Variants in PIR observed in about 807,000 individuals in gnomAD.
PIR encodes the protein pirin (iron-binding nuclear protein).
A neutral mutation model predicts 24.2 loss-of-function variants in PIR; 22 were observed. The ratio of observed to expected loss-of-function variants is 0.91; its 90% confidence interval spans 0.65 to 1.30. The LOEUF is 1.30. PIR is among the 50% of genes most tolerant of loss of function. PIR has a pLI of 0.00. For missense variants in PIR, 220 were observed against 220.3 expected, an observed-to-expected ratio of 1.00 and a Z score of 0.01; for synonymous variants, 80 against 79.6, an observed-to-expected ratio of 1.00 and a Z score of -0.03.
At chrX:15,390,456 T>A (rs1213521384) in intron 8 of PIR, among the ~76,000 whole-genome samples, 1 of 111,244 alleles carries the variant, frequency 9.0e-6, no homozygotes, top group African/African-American at 3.3e-5. Flanking sequence ...CAAGAATAAG[T>A]CCAAGCCACC....
At chrX:15,454,909 T>G (rs1921024218) in intron 5 of PIR, among the ~76,000 whole-genome samples, 1 of 112,274 alleles carries the variant, frequency 8.9e-6, no homozygotes, top group South Asian at 3.7e-4. Flanking sequence ...TTGCCAGGGA[T>G]GGGCTCGGAC....
chrX:15,445,584 G>A (rs1926062499), intron 5 of PIR, among the ~76,000 whole-genome samples: 1 of 111,459 alleles, frequency 9.0e-6, no homozygotes, highest in Admixed American at 9.5e-5. Flanking sequence ...AAGGTTTTAC[G>A]AAAAAGAGGT....
chrX:15,440,928 T>C (rs1428660470), intron 5 of PIR, among the ~76,000 whole-genome samples: 1 of 111,983 alleles, frequency 8.9e-6, no homozygotes, highest in Non-Finnish European at 1.9e-5. Flanking sequence ...ATCAATTTTC[T>C]ACAGATATGA....
Position 15,407,541 on chromosome X carries a change from C to T in PIR, c.575G>A (p.Ser192Asn). ...ATCTCCAGATATCGTGTAAATGAAG[C>T]TTGTCCACCCTGGAAAGGACCAGCA... ...HSQPIPKGWTSFIYTISGDVY... is the reference protein window; with the variant it reads ...HSQPIPKGWTNFIYTISGDVY... The change falls in exon 7 of 10, where the codon AGC becomes AAC. Residue 192 changes from serine to asparagine, a missense_variant. Ser to Asn is a conservative substitution (Grantham distance 46). Coordinates refer to ENST00000380420, the MANE Select transcript of PIR (RefSeq NM_001018109.3). 2 of 1,200,049 alleles carry T rather than the reference C, an allele frequency of 1.7e-6. No individual in the cohort carries two copies. Among genetic ancestry groups the T allele is most frequent in the South Asian group, 3.5e-5 (2 of 56,616 alleles).
intron 3 of PIR, among the ~76,000 whole-genome samples, chrX:15,477,110 C>T (rs5978730): frequency 0.49 from 54,353 of 109,869 alleles, 10,146 homozygotes; most frequent in African/African-American, 0.66. Flanking sequence ...TGTTCTTTAT[C>T]CTAGTCAGCA....
At chrX:15,491,614 AACATTACAC>A (rs1393512589) in intron 1 of PIR, among the ~76,000 whole-genome samples, 1 of 112,281 alleles carries the variant, frequency 8.9e-6, no homozygotes, top group Non-Finnish European at 1.9e-5. Context: ...CATTCAGGTC[AACATTACAC>A]AGTCAACAAT....
intron 1 of PIR, among the ~76,000 whole-genome samples, chrX:15,491,689 T>C (rs1483718423): frequency 8.9e-6 from 1 of 112,002 alleles, no homozygotes; most frequent in African/African-American, 3.3e-5. Flanking sequence ...ATATTTTTAC[T>C]GTATCTTTTC....
chrX:15,445,804 T>C (rs1357203555), intron 5 of PIR, among the ~76,000 whole-genome samples: 2 of 107,524 alleles, frequency 1.9e-5, no homozygotes, highest in African/African-American at 6.8e-5. Flanking sequence ...ACGTCATCTG[T>C]ATATTCAAGA....
chrX:15,471,162 G>A (rs1921894606), intron 3 of PIR, among the ~76,000 whole-genome samples: 1 of 111,743 alleles, frequency 8.9e-6, no homozygotes, highest in Non-Finnish European at 1.9e-5. Context: ...GTGCACTGTA[G>A]GAGGTTTGGC....
chrX:15,442,824 C>A (rs774866177), intron 5 of PIR, among the ~76,000 whole-genome samples: 1 of 111,973 alleles, frequency 8.9e-6, no homozygotes, highest in South Asian at 3.7e-4. Context: ...TGGAAGCTAG[C>A]AGAGGTTGGT....
chrX:15,413,897 A>C (rs1233515357), intron 6 of PIR, among the ~76,000 whole-genome samples: 1 of 112,124 alleles, frequency 8.9e-6, no homozygotes, highest in Admixed American at 9.5e-5. Flanking sequence ...CCCATATTTT[A>C]AGTAAGCACA....
chrX:15,458,467 C>G (rs1253248043), intron 4 of PIR, among the ~76,000 whole-genome samples: 1 of 110,352 alleles, frequency 9.1e-6, no homozygotes, highest in Non-Finnish European at 1.9e-5. Context: ...ATAACGAGAC[C>G]CCATCTCTAC....
chrX:15,390,234 G>C lies in PIR; in HGVS notation c.711C>G (p.His237Gln). The change falls in exon 9 of 10, where the codon CAC becomes CAG. Residue 237 changes from histidine (H) to glutamine (Q), a missense_variant. Physicochemically the swap from His to Gln is conservative, Grantham distance 24 (BLOSUM62 0). Transcript: ENST00000380420. ...QVENKDPKRS[H>Q]FVLIAGEPLR... Reference sequence around the variant, plus strand: ...ATGGCTCCCCAGCAATTAAGACAAAGTGGCTTCTCTTGGGATCCTAAAGTT... The same window carrying C: ...ATGGCTCCCCAGCAATTAAGACAAACTGGCTTCTCTTGGGATCCTAAAGTT... 8.7e-7 allele frequency: 1 copy of C among 1,147,287 alleles called. No homozygotes were observed. The allele number at this position is 1,147,287 out of a possible 1,213,427, so 94.5% of individuals were successfully genotyped here. A position where few individuals can be genotyped will look rare whatever the true frequency, so the allele number is the denominator to read the frequency against.
In PIR at chrX:15,467,893, C is replaced by A. The variant is rs140064337; in HGVS notation, c.190-8153G>T. ...TTCTAGAACCCCAGGACCAGGCATG[C>A]CCCTTCTCCTTCAAACCCAGATCAG... is the stretch of plus-strand genomic sequence containing the variant. On this transcript the variant is annotated intron_variant, in intron 3 of 9. Coordinates refer to ENST00000380420, the MANE Select transcript of PIR (RefSeq NM_001018109.3). Among the ~76,000 whole-genome samples, 242 of 111,645 alleles carry A rather than the reference C, an allele frequency of 2.2e-3. 9 individuals are homozygous for A. In the East Asian group the frequency reaches 0.058, roughly 27 times the overall value.
chrX:15,465,216 T>C (rs1001160099), intron 3 of PIR, among the ~76,000 whole-genome samples: 2 of 111,528 alleles, frequency 1.8e-5, no homozygotes, highest in Admixed American at 1.9e-4. Flanking sequence ...AATGAAGTTT[T>C]ATTGAATTCA....
intron 5 of PIR, among the ~76,000 whole-genome samples, chrX:15,446,527 T>G (rs1926108955): frequency 1.8e-5 from 2 of 111,691 alleles, no homozygotes; most frequent in South Asian, 7.6e-4. Flanking sequence ...GTATATAAAT[T>G]TGCGTTGGGC....
rs1433156155 is a variant in PIR at position 15,491,331 on chromosome X, A to G, written c.-52-22T>C. 4.3e-5 allele frequency: 28 copies of G among 656,553 alleles called. No individual in the cohort carries two copies. In the East Asian group the frequency reaches 8.3e-4, roughly 19 times the overall value. 54.1% of individuals were successfully genotyped at this position (656,553 alleles called of 1,213,427 possible). A position where few individuals can be genotyped will look rare whatever the true frequency, so the allele number is the denominator to read the frequency against. On this transcript the variant is annotated intron_variant, in intron 1 of 9. Coordinates refer to ENST00000380420, the MANE Select transcript of PIR (RefSeq NM_001018109.3). ...AGGGCTAAAGGAAGGACAACAAAAA[A>G]AAAAGAAGTCATAAAGGAGGGAACA...
At chrX:15,398,572 T>C (rs925805761) in intron 7 of PIR, among the ~76,000 whole-genome samples, 1 of 110,572 alleles carries the variant, frequency 9.0e-6, no homozygotes, top group Non-Finnish European at 1.9e-5. Flanking sequence ...GAACAGTCTT[T>C]TGGGAAGAAC....
chrX:15,433,566 G>GAGAA (rs1318654196), intron 5 of PIR, among the ~76,000 whole-genome samples: 1 of 96,300 alleles, frequency 1.0e-5, no homozygotes, highest in African/African-American at 3.9e-5. Flanking sequence ...AAGAAAGAGA[G>GAGAA]AGAAAGAAAG....
Sources: gnomAD v4.1 joint callset for allele counts (sites outside exome capture counted in the v4.1 genomes callset) on GRCh38, gnomAD v4.1.1 for gene constraint, MANE v1.5 for transcripts, NCBI Gene and HGNC (gene_info 2026-07-23, HGNC 2026-07-21) for gene names.